Variants in CYSLTR2 observed in about 807,000 individuals in gnomAD.
The protein encoded by CYSLTR2 is cysteinyl leukotriene receptor 2, also known as G-protein coupled receptor GPCR21.
For synonymous variants in CYSLTR2, 179 were observed against 160.8 expected, an observed-to-expected ratio of 1.11 and a Z score of -0.86; for missense variants, 398 against 411.9, an observed-to-expected ratio of 0.97 and a Z score of 0.29.
rs536367245 is a variant in CYSLTR2, at chr13:48,702,252, G to A, written c.-1-4565G>A. Among the ~76,000 whole-genome samples, 17 of 124,952 alleles carry A rather than the reference G, an allele frequency of 1.4e-4. 1 individual carries two copies. In the South Asian group the frequency reaches 3.4e-3, roughly 25 times the overall value. The allele number at this position is 124,952 out of a possible 152,430, so 82.0% of individuals were successfully genotyped here. ...AGGGTGGGGAACATCACACACCGGCGTCTGTCATGGGGTGGGGGGAGGGGG... is the reference window on the plus strand; with the variant it reads ...AGGGTGGGGAACATCACACACCGGCATCTGTCATGGGGTGGGGGGAGGGGG... On this transcript the variant is annotated intron_variant, in intron 4 of 4. Coordinates refer to ENST00000682523, the MANE Select transcript of CYSLTR2 (RefSeq NM_001308476.3).
chr13:48,689,436 T>C (rs1343772684), intron 1 of CYSLTR2, among the ~76,000 whole-genome samples: 1 of 152,240 alleles, frequency 6.6e-6, no homozygotes, highest in African/African-American at 2.4e-5. Flanking sequence ...TTGTTTAATG[T>C]GTAAGGAAGG....
chr13:48,687,979 C>A (rs1593990503), intron 1 of CYSLTR2, among the ~76,000 whole-genome samples: 2 of 152,208 alleles, frequency 1.3e-5, no homozygotes, highest in Admixed American at 1.3e-4. Flanking sequence ...TGGGAAAATC[C>A]CTTCAGTGAA....
chr13:48,695,481 C>T (rs1482418766), intron 3 of CYSLTR2, among the ~76,000 whole-genome samples: 2 of 151,512 alleles, frequency 1.3e-5, no homozygotes, highest in South Asian at 2.1e-4. Flanking sequence ...AACTCCTGCA[C>T]AGCCCAAATA....
At chr13:48,696,653 G>A (rs1954194219) in intron 4 of CYSLTR2, 27 bp downstream of exon 4, 1 of 152,258 alleles carries the variant, frequency 6.6e-6, no homozygotes, top group African/African-American at 2.4e-5. Flanking sequence ...ACTGGGGCTT[G>A]TCAGACAGTG....
rs1954552805 is a variant in CYSLTR2, at chr13:48,708,085, G to A, written c.*227G>A. The A allele has an allele frequency of 5.0e-6, 2 of 396,634 alleles. No homozygotes were observed. Among genetic ancestry groups the A allele is most frequent in the Non-Finnish European group, 9.3e-6 (2 of 214,918 alleles). The allele number at this position is 396,634 out of a possible 1,614,324, so 24.6% of individuals were successfully genotyped here. ...GAGGAAAAATCCCTACTAGAGTCCT[G>A]TGGGCTGAAATATCAGACTGGGAAA... On this transcript the variant is annotated 3_prime_UTR_variant, in exon 5 of 5. Coordinates refer to ENST00000682523, the MANE Select transcript of CYSLTR2 (RefSeq NM_001308476.3).
intron 1 of CYSLTR2, among the ~76,000 whole-genome samples, chr13:48,684,656 G>A (rs1220231652): frequency 3.9e-5 from 6 of 152,046 alleles, no homozygotes; most frequent in East Asian, 1.9e-4. Flanking sequence ...TAGATGTTAC[G>A]TATCCTTGTT....
intron 1 of CYSLTR2, among the ~76,000 whole-genome samples, chr13:48,675,966 C>G (rs559380867): frequency 1.3e-5 from 2 of 152,210 alleles, no homozygotes; most frequent in Admixed American, 6.5e-5. Context: ...GCTCACCCCC[C>G]ATGGGCTGTG....
At position 48,661,150 on chromosome 13, in the gene CYSLTR2, C is replaced by T. The variant is rs1158314153; in HGVS notation, c.-266+7133C>T. Among the ~76,000 whole-genome samples, 3 of 151,524 alleles carry T rather than the reference C, an allele frequency of 2.0e-5. No individual in the cohort carries two copies. In the East Asian group the frequency reaches 5.8e-4, roughly 29 times the overall value. The stretch of plus-strand genomic sequence containing the variant: ...TCTTTTTTATTGAGACAGTGTCTTG[C>T]TCTATTGCCCAGGCTGCTCTTGAAT... On this transcript the variant is annotated intron_variant, in intron 1 of 4. Transcript: ENST00000682523.
At chr13:48,699,084 C>T (rs1353175463) in intron 4 of CYSLTR2, among the ~76,000 whole-genome samples, 1 of 152,184 alleles carries the variant, frequency 6.6e-6, no homozygotes, top group African/African-American at 2.4e-5. Flanking sequence ...GAGACTTTAA[C>T]ACCCCACTGT....
intron 1 of CYSLTR2, among the ~76,000 whole-genome samples, chr13:48,656,335 T>A (rs1952997055): frequency 6.6e-6 from 1 of 152,248 alleles, no homozygotes; most frequent in African/African-American, 2.4e-5. Context: ...TCACAAATCT[T>A]ATTGTGATTG....
chr13:48,657,435 G>T (rs950466231), intron 1 of CYSLTR2, among the ~76,000 whole-genome samples: 2 of 151,726 alleles, frequency 1.3e-5, no homozygotes, highest in African/African-American at 4.8e-5. Flanking sequence ...TAACGGAGAG[G>T]TTTCAAAAAA....
chr13:48,676,492 G>A lies in CYSLTR2; in HGVS notation c.-265-14720G>A, dbSNP rs117249988. 4.9e-3 allele frequency among the ~76,000 whole-genome samples: 741 copies of A among 152,278 alleles called. 3 individuals carry two copies. Among genetic ancestry groups the A allele is most frequent in the Middle Eastern group, 0.014 (4 of 294 alleles). ...CATCAGCTAACAAAGTCTGAGGTTAGGAAAGTGATATTGTACATATAGAGT... is the reference window on the plus strand; with the variant it reads ...CATCAGCTAACAAAGTCTGAGGTTAAGAAAGTGATATTGTACATATAGAGT... On this transcript the variant is annotated intron_variant, in intron 1 of 4. Transcript: ENST00000682523.
At chr13:48,674,497 G>A (rs896330185) in intron 1 of CYSLTR2, among the ~76,000 whole-genome samples, 1 of 152,102 alleles carries the variant, frequency 6.6e-6, no homozygotes, top group Non-Finnish European at 1.5e-5. Context: ...GCTCTAAACT[G>A]GTTATTCTAG....
Position 48,711,044 on chromosome 13 carries a change from C to G in CYSLTR2, c.*3186C>G, listed in dbSNP as rs1207925205. The G allele has an allele frequency of 6.6e-6, 1 of 151,412 alleles. No individual in the cohort carries two copies. Among genetic ancestry groups the G allele is most frequent in the Non-Finnish European group, 1.5e-5 (1 of 67,874 alleles). The allele number at this position is 151,412 out of a possible 1,614,324, so 9.4% of individuals were successfully genotyped here. On this transcript the variant is annotated 3_prime_UTR_variant, in exon 5 of 5. Coordinates refer to ENST00000682523, the MANE Select transcript of CYSLTR2 (RefSeq NM_001308476.3). The stretch of plus-strand genomic sequence containing the variant: ...ATAGCTGTACAACCATATTATTTAG[C>G]AATAGGAGGTAAATACAGGTAGAAG...
At chr13:48,701,309 A>AG in intron 4 of CYSLTR2, among the ~76,000 whole-genome samples, 1 of 152,342 alleles carries the variant, frequency 6.6e-6, no homozygotes, top group Non-Finnish European at 1.5e-5. Context: ...AACAGAATAG[A>AG]GCCTCCAGAA....
At chr13:48,696,309 A>G (rs1194534859) in intron 3 of CYSLTR2, among the ~76,000 whole-genome samples, 1 of 152,148 alleles carries the variant, frequency 6.6e-6, no homozygotes, top group Non-Finnish European at 1.5e-5. Flanking sequence ...CCCTGTTTTG[A>G]TAAGTGATTT....
rs368909553 is a variant in CYSLTR2, at chr13:48,705,996, G to GTTTTTT, written c.-1-819_-1-818insTTTTTT. On this transcript the variant is annotated intron_variant, in intron 4 of 4. Transcript: ENST00000682523. ...TGTTTGTTTTTTGTTTTGTTTTGTT[G>GTTTTTT]TTGTTTTTTTTTTTTTTGAGATGGA... Among the ~76,000 whole-genome samples, 6 of 128,590 alleles carry GTTTTTT rather than the reference G, an allele frequency of 4.7e-5. 1 individual carries two copies. The highest frequency in any genetic ancestry group is 9.9e-5 in the African/African-American group (3 of 30,236). The allele number at this position is 128,590 out of a possible 152,430, so 84.4% of individuals were successfully genotyped here.
Position 48,707,072 on chromosome 13 carries a change from C to G in CYSLTR2, c.255C>G (p.Leu85=), listed in dbSNP as rs768817639. Residue 85 remains leucine (L), a synonymous_variant, in exon 5 of 5, where the codon CTC becomes CTG. Coordinates refer to ENST00000682523, the MANE Select transcript of CYSLTR2 (RefSeq NM_001308476.3). ...TGCTAAATCTGGCCATTTCAGATCTCCTGTTCATAAGCACGCTTCCCTTCA... is the reference window on the plus strand; with the variant it reads ...TGCTAAATCTGGCCATTTCAGATCTGCTGTTCATAAGCACGCTTCCCTTCA... ...VFMLNLAISD[L]LFISTLPFRA... The G allele has an allele frequency of 1.9e-6, 3 of 1,614,164 alleles. No homozygotes were observed. The highest frequency in any genetic ancestry group is 2.5e-6 in the Non-Finnish European group (3 of 1,180,024).
chr13:48,699,978 G>T (rs1954297507), intron 4 of CYSLTR2, among the ~76,000 whole-genome samples: 1 of 152,000 alleles, frequency 6.6e-6, no homozygotes, highest in South Asian at 2.1e-4. Flanking sequence ...GAAAGAAGTT[G>T]AATCCCTGAA....
Sources: gnomAD v4.1 joint callset for allele counts (sites outside exome capture counted in the v4.1 genomes callset) on GRCh38, gnomAD v4.1.1 for gene constraint, MANE v1.5 for transcripts, NCBI Gene and HGNC (gene_info 2026-07-23, HGNC 2026-07-21) for gene names.